EPHA6: variants seen among roughly 807,000 people sequenced by gnomAD.
The protein encoded by EPHA6 is ephrin type-A receptor 6.
Under a neutral mutation model 112.0 loss-of-function variants are expected in EPHA6, and 50 were observed. The observed-to-expected ratio is 0.45, with a 90% confidence interval of 0.36 to 0.56. The LOEUF (loss-of-function observed/expected upper bound fraction) is 0.56. Among genes scored for constraint, EPHA6 ranks in the 20% least tolerant of loss-of-function variants. The pLI is 0.00. For missense variants in EPHA6, 1,280 were observed against 1,417.4 expected (o/e 0.90, Z 1.56); for synonymous variants, 529 against 490.7 (o/e 1.08, Z -1.03).
chr3:97,319,887 G>A (rs185776173), intron 5 of EPHA6, among the ~76,000 whole-genome samples: 1 of 152,062 alleles, frequency 6.6e-6, no homozygotes, highest in Admixed American at 6.5e-5. Context: ...TACTAGTTAT[G>A]TCATAACTGT....
chr3:97,703,646 T>G (rs2033520881), intron 14 of EPHA6, among the ~76,000 whole-genome samples: 1 of 152,140 alleles, frequency 6.6e-6, no homozygotes, highest in Admixed American at 6.6e-5. Flanking sequence ...GAAAACCACC[T>G]TATCAAAAGC....
intron 1 of EPHA6, among the ~76,000 whole-genome samples, chr3:96,828,712 G>A (rs1026526363): frequency 6.6e-6 from 1 of 152,108 alleles, no homozygotes; most frequent in African/African-American, 2.4e-5. Flanking sequence ...TTTCCTGGAT[G>A]ATCAACACTG....
intron 5 of EPHA6, among the ~76,000 whole-genome samples, chr3:97,296,012 G>T (rs1328796468): frequency 6.6e-6 from 1 of 152,188 alleles, no homozygotes; most frequent in Non-Finnish European, 1.5e-5. Flanking sequence ...TATTCATGCA[G>T]CTTGCTCAGA....
chr3:97,572,015 A>G (rs1009881171), intron 11 of EPHA6, among the ~76,000 whole-genome samples: 2 of 152,176 alleles, frequency 1.3e-5, no homozygotes, highest in Non-Finnish European at 2.9e-5. Context: ...TCCCTCAGTC[A>G]GCATTCTATG....
intron 2 of EPHA6, among the ~76,000 whole-genome samples, chr3:96,889,107 C>T (rs747059065): frequency 6.6e-6 from 1 of 152,144 alleles, no homozygotes; most frequent in African/African-American, 2.4e-5. Flanking sequence ...ACAAGTTCCT[C>T]ATTTGCATCT....
intron 3 of EPHA6, among the ~76,000 whole-genome samples, chr3:97,166,635 G>A (rs560554375): frequency 7.2e-5 from 11 of 152,286 alleles, no homozygotes; most frequent in Admixed American, 6.5e-4. Flanking sequence ...CAGTTGTTTA[G>A]TTTGTGGACT....
In EPHA6 at chr3:97,079,881, A is replaced by T. The variant is rs1306246749; in HGVS notation, c.1114+91888A>T. Among the ~76,000 whole-genome samples, 12 of 151,776 alleles carry T rather than the reference A, an allele frequency of 7.9e-5. 1 individual carries two copies. The South Asian group carries it at 1.0e-3, about 13-fold the overall frequency. On this transcript the variant is annotated intron_variant, in intron 3 of 17. Transcript: ENST00000389672. ...CAGCAAAAAAATTATGACTTGCTGAAGGCTCACATGATTGTTAGGTTTTTT... is the reference window on the plus strand; with the variant it reads ...CAGCAAAAAAATTATGACTTGCTGATGGCTCACATGATTGTTAGGTTTTTT...
At chr3:97,197,224 T>G (rs2077464102) in intron 3 of EPHA6, among the ~76,000 whole-genome samples, 1 of 151,986 alleles carries the variant, frequency 6.6e-6, no homozygotes, top group South Asian at 2.1e-4. Context: ...TCCCTCTCCT[T>G]TCCTCAAACA....
intron 6 of EPHA6, among the ~76,000 whole-genome samples, chr3:97,436,786 A>T (rs2089861735): frequency 6.6e-6 from 1 of 152,222 alleles, no homozygotes; most frequent in Non-Finnish European, 1.5e-5. Flanking sequence ...CCAGTCAACC[A>T]GCATTTGCTC....
chr3:97,000,498 G>C (rs954671285), intron 3 of EPHA6, among the ~76,000 whole-genome samples: 6 of 151,726 alleles, frequency 4.0e-5, no homozygotes, highest in Non-Finnish European at 8.8e-5. Flanking sequence ...TCTAAGGTTT[G>C]CTTGTTGTTG....
At chr3:97,455,807 T>G (rs1396618368) in intron 7 of EPHA6, among the ~76,000 whole-genome samples, 1 of 151,818 alleles carries the variant, frequency 6.6e-6, no homozygotes, top group Non-Finnish European at 1.5e-5. Context: ...AGAGTAACTA[T>G]TTGCACAGAA....
At chr3:97,720,634 G>A (rs2034484803) in intron 15 of EPHA6, among the ~76,000 whole-genome samples, 1 of 152,188 alleles carries the variant, frequency 6.6e-6, no homozygotes, top group Non-Finnish European at 1.5e-5. Flanking sequence ...TGATGCACAT[G>A]TTACATCTCA....
At chr3:96,895,368 T>A (rs773055257) in intron 2 of EPHA6, among the ~76,000 whole-genome samples, 1 of 151,946 alleles carries the variant, frequency 6.6e-6, no homozygotes, top group Non-Finnish European at 1.5e-5. Flanking sequence ...TTAAGTAATA[T>A]TTTTATAAAA....
intron 3 of EPHA6, among the ~76,000 whole-genome samples, chr3:97,045,740 A>C (rs1485198201): frequency 1.3e-5 from 2 of 152,008 alleles, no homozygotes; most frequent in African/African-American, 4.8e-5. Context: ...CGTTTTTTGA[A>C]AAGTAGTGAT....
chr3:97,141,110 C>T (rs540496499), intron 3 of EPHA6, among the ~76,000 whole-genome samples: 2 of 152,050 alleles, frequency 1.3e-5, no homozygotes, highest in East Asian at 3.9e-4. Flanking sequence ...TAAATAATGA[C>T]AAAGGGTTCA....
At chr3:97,564,436 T>C (rs371145949) in intron 11 of EPHA6, among the ~76,000 whole-genome samples, 1 of 152,208 alleles carries the variant, frequency 6.6e-6, no homozygotes, top group South Asian at 2.1e-4. Flanking sequence ...TGTTGTATTG[T>C]TGATATCCTA....
In EPHA6 at chr3:97,679,873, C is replaced by A. The variant is rs774703443; in HGVS notation, c.2785-40388C>A. Among the ~76,000 whole-genome samples, 163 of 152,244 alleles carry A rather than the reference C, an allele frequency of 1.1e-3. 1 individual carries two copies. Among genetic ancestry groups the A allele is most frequent in the Non-Finnish European group, 1.6e-3 (111 of 68,020 alleles). On this transcript the variant is annotated intron_variant, in intron 14 of 17. Transcript: ENST00000389672. ...TCTCAGAAGATCCAGCATGAAGAAA[C>A]CTGTTTAACCCTTTGTGACCCAAAG...
intron 3 of EPHA6, among the ~76,000 whole-genome samples, chr3:97,203,128 AG>A (rs2077622686): frequency 6.6e-6 from 1 of 152,132 alleles, no homozygotes; most frequent in African/African-American, 2.4e-5. Context: ...TTTATTAAGC[AG>A]GGTAAGTAAA....
At chr3:97,386,107 A>T (rs981974979) in intron 5 of EPHA6, among the ~76,000 whole-genome samples, 2 of 152,148 alleles carry the variant, frequency 1.3e-5, no homozygotes, top group Non-Finnish European at 2.9e-5. Flanking sequence ...TCATTCAAGC[A>T]TTAACTCAAA....
Sources: allele counts gnomAD v4.1 joint callset (sites outside exome capture counted in the v4.1 genomes callset), GRCh38; gene constraint gnomAD v4.1.1; transcripts MANE v1.5; gene names NCBI Gene and HGNC (gene_info 2026-07-23, HGNC 2026-07-21).